The following CEP128 variants were observed in gnomAD, a reference collection of about 807,000 sequenced individuals.
CEP128 encodes the protein centrosomal protein 128, also known as centrosomal protein 128kDa.
In CEP128, 132 loss-of-function variants were observed where a neutral mutation model predicts 156.7. That is an observed-to-expected ratio of 0.84 (90% CI 0.73 to 0.97). The LOEUF (loss-of-function observed/expected upper bound fraction) is 0.97, where lower values mean the gene tolerates loss of function less well. Ranked by LOEUF, CEP128 falls within the 50% of genes least tolerant of loss-of-function variation. The probability of loss-of-function intolerance (pLI) is 0.00; values close to 1 mark genes in which losing one functional copy is unlikely to be tolerated. For synonymous variants in CEP128, 469 were observed against 448.9 expected (o/e 1.04, Z -0.57); for missense variants, 1,252 against 1,281.9 (o/e 0.98, Z 0.36).
At chr14:80,897,235 C>T (rs1889386282) in intron 7 of CEP128, among the ~76,000 whole-genome samples, 1 of 152,084 alleles carries the variant, frequency 6.6e-6, no homozygotes, top group African/African-American at 2.4e-5. Context: ...TCTAGAATTT[C>T]CCCCATCTCA....
intron 2 of CEP128, among the ~76,000 whole-genome samples, chr14:80,933,368 A>C (rs754471219): frequency 2.6e-5 from 4 of 152,134 alleles, no homozygotes; most frequent in Non-Finnish European, 4.4e-5. Flanking sequence ...AGCCCCCTCT[A>C]AGTTTATATC....
chr14:80,482,506 T>C (rs780074868), intron 14 of CEP128, among the ~76,000 whole-genome samples: 7 of 152,216 alleles, frequency 4.6e-5, no homozygotes, highest in Non-Finnish European at 1.0e-4. Context: ...AGCACTCTTA[T>C]CAGGCTGACA....
intron 13 of CEP128, among the ~76,000 whole-genome samples, chr14:80,796,387 G>A (rs1176487113): frequency 1.3e-5 from 2 of 151,978 alleles, no homozygotes; most frequent in Non-Finnish European, 2.9e-5. Flanking sequence ...TTGAACCCAG[G>A]AGGTGGAGTT....
intron 19 of CEP128, among the ~76,000 whole-genome samples, chr14:80,665,485 T>C (rs139026058): frequency 6.6e-6 from 1 of 152,140 alleles, no homozygotes. Flanking sequence ...GTGATAGAGG[T>C]ACAATCAAAC....
Position 80,838,941 on chromosome 14 carries a change from T to C in CEP128, c.850-663A>G, listed in dbSNP as rs112546935. ...GGTGAAACCCCATCTCTACTAAAAA[T>C]ACAAAAAATTAGTCAGGCATGGTGG... On this transcript the variant is annotated intron_variant, in intron 10 of 24. Transcript: ENST00000555265. Among the ~76,000 whole-genome samples, 1,037 of 152,088 alleles carry C rather than the reference T, an allele frequency of 6.8e-3. 2 individuals carry two copies. Among genetic ancestry groups the C allele is most frequent in the Non-Finnish European group, 0.012 (810 of 67,988 alleles).
At chr14:80,894,751 A>G (rs2139391439) in intron 8 of CEP128, 1 of 319,188 alleles carries the variant, frequency 3.1e-6, no homozygotes, top group Middle Eastern at 6.5e-4. Flanking sequence ...AAATAAGCAA[A>G]TTTCACTACA....
chr14:80,672,958 C>A (rs1402360315), intron 19 of CEP128, among the ~76,000 whole-genome samples: 1 of 152,028 alleles, frequency 6.6e-6, no homozygotes, highest in East Asian at 1.9e-4. Context: ...TATTCTCAAA[C>A]TTAAGGTTTC....
intron 19 of CEP128, among the ~76,000 whole-genome samples, chr14:80,696,594 A>G (rs564258994): frequency 6.6e-6 from 1 of 152,280 alleles, no homozygotes; most frequent in East Asian, 1.9e-4. Context: ...CAATGAGAAG[A>G]AAGCAGCCAT....
intron 9 of CEP128, 35 bp downstream of exon 9, chr14:80,862,722 A>C: frequency 1.5e-6 from 2 of 1,364,174 alleles, no homozygotes; most frequent in Non-Finnish European, 2.1e-6. Context: ...ATCCAAATTC[A>C]AGATTTACAT....
At chr14:80,933,818 G>C (rs551711284) in intron 2 of CEP128, among the ~76,000 whole-genome samples, 26 of 152,284 alleles carry the variant, frequency 1.7e-4, no homozygotes, top group African/African-American at 5.8e-4. Flanking sequence ...GCCAGGTTGT[G>C]GAGTAAATAG....
intron 23 of CEP128, among the ~76,000 whole-genome samples, chr14:80,505,871 A>T (rs896967699): frequency 6.6e-6 from 1 of 152,102 alleles, no homozygotes; most frequent in Non-Finnish European, 1.5e-5. Context: ...ACAATAATTT[A>T]TTGGGCACCT....
At chr14:80,832,189 CTG>C (rs2140048527) in intron 12 of CEP128, among the ~76,000 whole-genome samples, 1 of 152,296 alleles carries the variant, frequency 6.6e-6, no homozygotes, top group East Asian at 1.9e-4. Context: ...CCACGTGGAA[CTG>C]TGAGTCCATT....
intron 18 of CEP128, among the ~76,000 whole-genome samples, chr14:80,747,263 A>G (rs569043465): frequency 2.2e-4 from 33 of 152,374 alleles, no homozygotes; most frequent in South Asian, 6.2e-4. Context: ...AAACAAATAT[A>G]CATGCAAAAA....
chr14:80,710,694 G>A (rs1157859426), intron 19 of CEP128, among the ~76,000 whole-genome samples: 1 of 151,884 alleles, frequency 6.6e-6, no homozygotes, highest in South Asian at 2.1e-4. Flanking sequence ...CTGTCCAAAT[G>A]GTCTACTAAC....
intron 21 of CEP128, among the ~76,000 whole-genome samples, chr14:80,532,362 A>G (rs1889268006): frequency 6.6e-6 from 1 of 151,792 alleles, no homozygotes; most frequent in Non-Finnish European, 1.5e-5. Flanking sequence ...CCAGCTATAT[A>G]ATTTTTTCTC....
intron 19 of CEP128, among the ~76,000 whole-genome samples, chr14:80,678,049 A>AAAAATATATATATATATATATATGTAT: frequency 4.1e-5 from 4 of 98,502 alleles, no homozygotes; most frequent in Admixed American, 2.8e-4. Context: ...ATAAAAAAAA[A>AAAAATATATATATATATATATATGTAT]ATATATATAT....
chr14:80,623,908 T>C (rs2140675917), intron 19 of CEP128, among the ~76,000 whole-genome samples: 1 of 152,314 alleles, frequency 6.6e-6, no homozygotes, highest in Non-Finnish European at 1.5e-5. Flanking sequence ...TCTTCGGCAT[T>C]TATCCTTTCT....
At chr14:80,513,215 C>T (rs1888337880) in intron 23 of CEP128, among the ~76,000 whole-genome samples, 1 of 152,110 alleles carries the variant, frequency 6.6e-6, no homozygotes, top group African/African-American at 2.4e-5. Flanking sequence ...ATTTCCCCTT[C>T]ACATGTGAAG....
At chr14:80,512,415 G>A (rs1888303910) in intron 23 of CEP128, among the ~76,000 whole-genome samples, 1 of 151,726 alleles carries the variant, frequency 6.6e-6, no homozygotes, top group South Asian at 2.1e-4. Context: ...GCTGTTTTGG[G>A]TTTCTGTTTG....
Sources: allele counts gnomAD v4.1 joint callset (sites outside exome capture counted in the v4.1 genomes callset), GRCh38; gene constraint gnomAD v4.1.1; transcripts MANE v1.5; gene names NCBI Gene and HGNC (gene_info 2026-07-23, HGNC 2026-07-21).